The following FOXJ3 variants were observed in gnomAD, a reference collection of about 807,000 sequenced individuals.
FOXJ3 encodes forkhead box protein J3.
FOXJ3 carries 22 observed loss-of-function variants against 76.1 expected under a neutral mutation model. That is an observed-to-expected ratio of 0.29 (90% CI 0.21 to 0.41). The LOEUF (loss-of-function observed/expected upper bound fraction) is 0.41, where lower values mean the gene tolerates loss of function less well. FOXJ3 is among the 10% of genes least tolerant of loss of function. The pLI, the probability that FOXJ3 is intolerant of heterozygous loss-of-function variation, is 1.00. For missense variants in FOXJ3, 613 were observed against 762.1 expected (o/e 0.80, Z 2.30); for synonymous variants, 269 against 261.2 (o/e 1.03, Z -0.29).
rs987247581 is a variant in FOXJ3 at position 42,335,045 on chromosome 1, C to G, written c.-18+14G>C. The stretch of plus-strand genomic sequence containing the variant: ...CGCCGCCCAGGCCCGGCCGCCCTGG[C>G]GGGGGGCACTTACCTCAGGCTGCGC... On this transcript the variant is annotated intron_variant, in intron 1 of 12. Transcript: ENST00000361346. 2.0e-5 allele frequency: 3 copies of G among 152,130 alleles called. No homozygotes were observed. Among genetic ancestry groups the G allele is most frequent in the Non-Finnish European group, 2.9e-5 (2 of 68,300 alleles). 9.4% of individuals were successfully genotyped at this position (152,130 alleles called of 1,614,324 possible).
chr1:42,214,749 G>C (rs949234124), intron 5 of FOXJ3, among the ~76,000 whole-genome samples: 1 of 152,190 alleles, frequency 6.6e-6, no homozygotes, highest in Non-Finnish European at 1.5e-5. Context: ...CTTCCGTCAG[G>C]AGGAACTAGG....
At chr1:42,193,162 T>C (rs80259595) in intron 8 of FOXJ3, among the ~76,000 whole-genome samples, 2 of 152,118 alleles carry the variant, frequency 1.3e-5, no homozygotes, top group African/African-American at 4.8e-5. Context: ...TTTTTTTTTT[T>C]GAAGCTGGGG....
intron 2 of FOXJ3, among the ~76,000 whole-genome samples, chr1:42,292,415 T>C (rs537163267): frequency 6.6e-6 from 1 of 152,064 alleles, no homozygotes; most frequent in South Asian, 2.1e-4. Context: ...AATCCAAATA[T>C]CCATCAACAG....
upstream of FOXJ3, chr1:42,335,355 A>C (rs1656435915): frequency 6.6e-6 from 1 of 152,154 alleles, no homozygotes; most frequent in Admixed American, 6.5e-5. Flanking sequence ...CGACGCACGC[A>C]GGATCCCTCC....
intron 1 of FOXJ3, among the ~76,000 whole-genome samples, chr1:42,332,380 CTGATTTTAATACCTTATTA>C (rs1656214410): frequency 6.6e-6 from 1 of 152,154 alleles, no homozygotes; most frequent in African/African-American, 2.4e-5. Flanking sequence ...AAAGTCCCTT[CTGATTTTAATACCTTATTA>C]TGAAGATTTA....
rs553806321 is a variant in FOXJ3, at chr1:42,217,432, G to A, written c.528+10451C>T. Reference sequence around the variant, plus strand: ...TAGTCCCAGCTACTCGGGAGGCTGAGGCAGAAGAATGGCTTGCACCCGGGA... The same window carrying A: ...TAGTCCCAGCTACTCGGGAGGCTGAAGCAGAAGAATGGCTTGCACCCGGGA... On this transcript the variant is annotated intron_variant, in intron 5 of 12. Transcript: ENST00000361346. Among the ~76,000 whole-genome samples the A allele has an allele frequency of 7.9e-5, 12 of 152,268 alleles. No individual in the cohort carries two copies. The South Asian group carries it at 2.5e-3, about 32-fold the overall frequency.
chr1:42,326,398 A>C (rs1655832350), intron 1 of FOXJ3, among the ~76,000 whole-genome samples: 1 of 152,222 alleles, frequency 6.6e-6, no homozygotes, highest in East Asian at 1.9e-4. Flanking sequence ...AGAAAATTTA[A>C]ATTACCCATT....
At chr1:42,243,038 T>A (rs1649273494) in intron 4 of FOXJ3, among the ~76,000 whole-genome samples, 1 of 152,174 alleles carries the variant, frequency 6.6e-6, no homozygotes, top group African/African-American at 2.4e-5. Context: ...GATGATATAT[T>A]CAAGTGCTGG....
chr1:42,233,868 G>A (rs1463985393), intron 4 of FOXJ3, among the ~76,000 whole-genome samples: 2 of 150,070 alleles, frequency 1.3e-5, no homozygotes, highest in Non-Finnish European at 3.0e-5. Context: ...TCCCTGTCTT[G>A]TGCCAGTTTT....
At chr1:42,274,395 T>C (rs558231682) in intron 3 of FOXJ3, among the ~76,000 whole-genome samples, 67 of 152,308 alleles carry the variant, frequency 4.4e-4, no homozygotes, top group African/African-American at 1.4e-3. Context: ...GAGTTTATCC[T>C]GGAAAATTAA....
At chr1:42,223,617 A>C (rs1241031754) in intron 5 of FOXJ3, among the ~76,000 whole-genome samples, 2 of 152,200 alleles carry the variant, frequency 1.3e-5, no homozygotes, top group East Asian at 3.8e-4. Context: ...CCTCTTCCTT[A>C]GAGGCCTTCC....
intron 11 of FOXJ3, among the ~76,000 whole-genome samples, chr1:42,183,320 GGGGA>G (rs1301319808): frequency 9.4e-5 from 1 of 10,658 alleles, no homozygotes; most frequent in Non-Finnish European, 2.5e-4. Context: ...GGGGAGGGGA[GGGGA>G]GGGGAGGGGA....
intron 1 of FOXJ3, chr1:42,334,213 GAA>G: frequency 1.6e-6 from 1 of 625,762 alleles, no homozygotes; most frequent in Non-Finnish European, 2.0e-6. Flanking sequence ...AATGGAAGAG[GAA>G]AAAAGATGTT....
At chr1:42,305,097 AT>A (rs1654376693) in intron 2 of FOXJ3, among the ~76,000 whole-genome samples, 1 of 152,044 alleles carries the variant, frequency 6.6e-6, no homozygotes, top group East Asian at 1.9e-4. Flanking sequence ...CTAAATAGGC[AT>A]TTCTCAAAAG....
At chr1:42,324,076 T>C (rs1452772975) in intron 1 of FOXJ3, among the ~76,000 whole-genome samples, 3 of 138,116 alleles carry the variant, frequency 2.2e-5, no homozygotes, top group Admixed American at 7.3e-5. Context: ...ACAGTGTATA[T>C]ATAGTATATA....
At position 42,315,473 on chromosome 1, in the gene FOXJ3, C is replaced by T. The variant is rs557569725; in HGVS notation, c.-17-4363G>A. On this transcript the variant is annotated intron_variant, in intron 1 of 12. Coordinates refer to ENST00000361346, the MANE Select transcript of FOXJ3 (RefSeq NM_014947.5). ...ATACTAAACTGTCCAAACACCAACA[C>T]CCTTAGTACCTCCAATAAGTTACCA... 5.2e-4 allele frequency: 435 copies of T among 841,858 alleles called. 1 individual carries two copies. The highest frequency in any genetic ancestry group is 5.9e-4 in the Non-Finnish European group (415 of 698,916). The allele number at this position is 841,858 out of a possible 1,614,324, so 52.1% of individuals were successfully genotyped here. A position where few individuals can be genotyped will look rare whatever the true frequency, so the allele number is the denominator to read the frequency against.
intron 6 of FOXJ3, among the ~76,000 whole-genome samples, chr1:42,204,814 C>T (rs541435170): frequency 3.3e-5 from 5 of 151,190 alleles, no homozygotes; most frequent in African/African-American, 1.2e-4. Flanking sequence ...CTACCAGTTT[C>T]CTTTCTGAAC....
chr1:42,288,261 G>A (rs780670309), intron 2 of FOXJ3, among the ~76,000 whole-genome samples: 5 of 152,132 alleles, frequency 3.3e-5, no homozygotes, highest in Admixed American at 6.6e-5. Flanking sequence ...CTTTGCAGCC[G>A]TAATTTAAAA....
At position 42,309,134 on chromosome 1, in the gene FOXJ3, A is replaced by G. The variant is rs187884604; in HGVS notation, c.44+1916T>C. On this transcript the variant is annotated intron_variant, in intron 2 of 12. Coordinates refer to ENST00000361346, the MANE Select transcript of FOXJ3 (RefSeq NM_014947.5). ...GTGTGTGTGTGTGGCATTCTGGAAA[A>G]TCAGGATTTCTCTCAAGCCTAAGGA... is the stretch of plus-strand genomic sequence containing the variant. Among the ~76,000 whole-genome samples the G allele has an allele frequency of 3.0e-3, 457 of 152,194 alleles. 1 individual carries two copies. Among genetic ancestry groups the G allele is most frequent in the Middle Eastern group, 0.017 (5 of 294 alleles).
Sources: gnomAD v4.1 joint callset for allele counts (sites outside exome capture counted in the v4.1 genomes callset) on GRCh38, gnomAD v4.1.1 for gene constraint, MANE v1.5 for transcripts, NCBI Gene and HGNC (gene_info 2026-07-23, HGNC 2026-07-21) for gene names.